LRRC8E: variants seen among roughly 807,000 people sequenced by gnomAD.
LRRC8E encodes volume-regulated anion channel subunit LRRC8E.
In LRRC8E, 6 loss-of-function variants were observed where a neutral mutation model predicts 6.1. The observed-to-expected ratio is 0.98, with a 90% CI of 0.54 to 1.93. The LOEUF (loss-of-function observed/expected upper bound fraction) is 1.93. LRRC8E is among the 30% of genes most tolerant of loss of function. LRRC8E has a pLI of 0.01. For synonymous variants in LRRC8E, 485 were observed against 472.8 expected (o/e 1.03, Z -0.33); for missense variants, 1,028 against 1,031.4 (o/e 1.00, Z 0.04).
At chr19:7,898,639 C>T (rs778785447) in intron 2 of LRRC8E, 22 bp from the exon 3 acceptor site, 2 of 1,576,062 alleles carry the variant, frequency 1.3e-6, no homozygotes, top group Non-Finnish European at 1.7e-6. Flanking sequence ...GATTACAGCC[C>T]TCATTCTCTT....
chr19:7,895,513 T>C lies in LRRC8E; in HGVS notation c.-5-86T>C, dbSNP rs1468380915. ...GGGCAGGGAGGGTCACAGGCCTGCCTGTGTCCGGCTCCTCGGAGGACCCCC... is the reference window on the plus strand; with the variant it reads ...GGGCAGGGAGGGTCACAGGCCTGCCCGTGTCCGGCTCCTCGGAGGACCCCC... On this transcript the variant is annotated intron_variant, in intron 1 of 2. Transcript: ENST00000306708. The surrounding 1 kb of genome is among the most constrained non-coding windows in gnomAD (Gnocchi z 4.7). 4 of 1,528,638 alleles carry C rather than the reference T, an allele frequency of 2.6e-6. No individual in the cohort carries two copies. The highest frequency in any genetic ancestry group is 2.7e-6 in the Non-Finnish European group (3 of 1,116,346). The allele number at this position is 1,528,638 out of a possible 1,614,324, so 94.7% of individuals were successfully genotyped here. A position where few individuals can be genotyped will look rare whatever the true frequency, so the allele number is the denominator to read the frequency against.
Position 7,899,633 on chromosome 19 carries a change from G to A in LRRC8E, c.1111G>A (p.Asp371Asn), listed in dbSNP as rs778339202. ...CTTCGCCTTCATGCTGCACCTCATCGATCAGTACGACTCCCTCTACTCCAA... is the reference window on the plus strand; with the variant it reads ...CTTCGCCTTCATGCTGCACCTCATCAATCAGTACGACTCCCTCTACTCCAA... ...NDFAFMLHLI[D>N]QYDSLYSKRF... is the part of the protein sequence containing the mutation. Residue 371 changes from aspartate to asparagine, a missense_variant, in exon 3 of 3, where the codon GAT becomes AAT. Coordinates refer to ENST00000306708, the MANE Select transcript of LRRC8E (RefSeq NM_025061.6). The A allele has an allele frequency of 3.0e-5, 48 of 1,613,674 alleles. No individual in the cohort carries two copies. The highest frequency in any genetic ancestry group is 4.0e-5 in the Non-Finnish European group (47 of 1,180,014).
chr19:7,889,860 C>G lies in LRRC8E; in HGVS notation c.-6+1260C>G, dbSNP rs183118976. ...CACCTCCCAGGTTCAAGCGATTCTC[C>G]TGCCTCAGCCTCCTGAGTAGCTGGG... On this transcript the variant is annotated intron_variant, in intron 1 of 2. Transcript: ENST00000306708. 2.8e-3 allele frequency among the ~76,000 whole-genome samples: 424 copies of G among 151,850 alleles called. 6 individuals carry two copies. The highest frequency in any genetic ancestry group is 5.7e-3 in the East Asian group (29 of 5,064).
At chr19:7,893,296 G>A (rs1233619234) in intron 1 of LRRC8E, among the ~76,000 whole-genome samples, 3 of 151,916 alleles carry the variant, frequency 2.0e-5, no homozygotes, top group East Asian at 1.9e-4. Flanking sequence ...GTGAGCCACC[G>A]CACCTGGCTA....
rs190239641 is a variant in LRRC8E, at chr19:7,900,687, G to C, written c.2165G>C (p.Arg722Pro). 4 of 1,613,454 alleles carry C rather than the reference G, an allele frequency of 2.5e-6. No individual in the cohort carries two copies. Among genetic ancestry groups the C allele is most frequent in the Non-Finnish European group, 3.4e-6 (4 of 1,180,030 alleles). The change falls in exon 3 of 3, where the codon CGC (arginine) becomes CCC (proline). Residue 722 changes from arginine (R) to proline (P), a missense_variant. Arg to Pro is a moderately radical substitution (Grantham distance 103, BLOSUM62 -2). Transcript: ENST00000306708. The surrounding 1 kb of genome is among the most constrained non-coding windows in gnomAD (Gnocchi z 5.0). ...CTGCCCGAAGAGCTCTTCTTCTGCC[G>C]CAAGCTGCGGACGTTGCTTCTGGGC... ...EALPEELFFC[R>P]KLRTLLLGDN...
intron 2 of LRRC8E, among the ~76,000 whole-genome samples, chr19:7,898,332 TC>T (rs1475742652): frequency 1.3e-5 from 2 of 152,022 alleles, no homozygotes; most frequent in Admixed American, 1.3e-4. Flanking sequence ...GCCTGCTTTT[TC>T]CCCATCCCCC....
At position 7,901,714 on chromosome 19, in the gene LRRC8E, CA is replaced by C. The variant is rs5826989; in HGVS notation, c.*815del. Reference sequence around the variant, plus strand: ...TAACATAGCGAGACCCCACCTCTGCCAAAAAAAAAAAAAATAGGGTATCCAA... The same window carrying C: ...TAACATAGCGAGACCCCACCTCTGCCAAAAAAAAAAAAATAGGGTATCCAA... On this transcript the variant is annotated 3_prime_UTR_variant, in exon 3 of 3. Transcript: ENST00000306708. 31,558 of 140,802 alleles carry C rather than the reference CA, an allele frequency of 0.22. 3,387 individuals carry two copies. The highest frequency in any genetic ancestry group is 0.26 in the Non-Finnish European group (16,998 of 65,602). 8.7% of individuals were successfully genotyped at this position (140,802 alleles called of 1,614,324 possible).
chr19:7,897,713 G>T (rs913514179), intron 2 of LRRC8E, among the ~76,000 whole-genome samples: 1 of 150,922 alleles, frequency 6.6e-6, no homozygotes, highest in Non-Finnish European at 1.5e-5. Flanking sequence ...GTCTGTCTCT[G>T]TGTCTATGTT....
At chr19:7,897,301 C>G (rs750846136) in intron 2 of LRRC8E, among the ~76,000 whole-genome samples, 1 of 151,922 alleles carries the variant, frequency 6.6e-6, no homozygotes, top group Non-Finnish European at 1.5e-5. Flanking sequence ...TCCCAAGTAG[C>G]TGGGATTACA....
chr19:7,901,904 G>A lies in LRRC8E; in HGVS notation c.*991G>A, dbSNP rs1982044999. On this transcript the variant is annotated 3_prime_UTR_variant, in exon 3 of 3. Transcript: ENST00000306708. ...GCTATTCAAGGACTTCCTAAGGTGG[G>A]TGGACTGCAGGGTTAGGACACCTGC... The A allele has an allele frequency of 6.6e-6, 1 of 152,154 alleles. No individual in the cohort carries two copies. The highest frequency in any genetic ancestry group is 2.4e-5 in the African/African-American group (1 of 41,428). The allele number at this position is 152,154 out of a possible 1,614,324, so 9.4% of individuals were successfully genotyped here.
rs112804258 is a variant in LRRC8E at position 7,899,723 on chromosome 19, G to A, written c.1201G>A (p.Glu401Lys). ...SRLKQLNLNH[E>K]WTPEKLRQKL... ...TCTAAAGCAGCTCAATCTCAACCAC[G>A]AGTGGACGCCCGAGAAGCTTCGACA... The change falls in exon 3 of 3, where the codon GAG becomes AAG. Residue 401 changes from glutamate (E) to lysine (K), a missense_variant. Transcript: ENST00000306708. The A allele has an allele frequency of 6.5e-4, 1,051 of 1,613,052 alleles. 3 individuals carry two copies. The African/African-American group carries it at 9.8e-3, about 15-fold the overall frequency.
intron 2 of LRRC8E, among the ~76,000 whole-genome samples, chr19:7,896,649 A>C (rs1233097112): frequency 1.3e-5 from 2 of 152,032 alleles, no homozygotes; most frequent in African/African-American, 4.8e-5. Flanking sequence ...GTTGGAGTGC[A>C]GTGGCATGAT....
chr19:7,897,767 G>T (rs1286137093), intron 2 of LRRC8E, among the ~76,000 whole-genome samples: 2 of 151,850 alleles, frequency 1.3e-5, no homozygotes, highest in African/African-American at 4.8e-5. Context: ...CACCCTACTG[G>T]CTTTGTCTTG....
rs757618241 is a variant in LRRC8E at position 7,899,770 on chromosome 19, G to C, written c.1248G>C (p.Ala416=). ...GACAGAAGCTGCAGCGCAATGCCGC[G>C]GGCCGGCTGGAGCTGGCCCTCTGCA... ...KLRQKLQRNA[A]GRLELALCML... Residue 416 remains alanine (A), a synonymous_variant, in exon 3 of 3, where the codon GCG becomes GCC. Coordinates refer to ENST00000306708, the MANE Select transcript of LRRC8E (RefSeq NM_025061.6). 54 of 1,610,488 alleles carry C rather than the reference G, an allele frequency of 3.4e-5. No individual in the cohort carries two copies. The highest frequency in any genetic ancestry group is 4.3e-5 in the Non-Finnish European group (51 of 1,180,008).
At chr19:7,889,308 G>T in intron 1 of LRRC8E, among the ~76,000 whole-genome samples, 1 of 151,924 alleles carries the variant, frequency 6.6e-6, no homozygotes, top group Non-Finnish European at 1.5e-5. Flanking sequence ...AAAAATTAGT[G>T]GCGTGTCCCT....
intron 1 of LRRC8E, among the ~76,000 whole-genome samples, chr19:7,892,196 C>T (rs753212081): frequency 2.0e-5 from 3 of 152,138 alleles, no homozygotes; most frequent in Non-Finnish European, 4.4e-5. Flanking sequence ...CCTCAGCCTC[C>T]CAAGTAGCTG....
intron 1 of LRRC8E, among the ~76,000 whole-genome samples, chr19:7,891,543 GTGTT>G (rs960810807): frequency 2.7e-4 from 34 of 128,260 alleles, no homozygotes; most frequent in African/African-American, 5.5e-4. Flanking sequence ...GTGTGTGTGT[GTGTT>G]TGTGTGTGTG....
In LRRC8E at chr19:7,888,583, A is replaced by T. The variant is rs1981138111; in HGVS notation, c.-23A>T. 1 of 152,228 alleles carries T rather than the reference A, an allele frequency of 6.6e-6. No individual in the cohort carries two copies. The highest frequency in any genetic ancestry group is 2.4e-5 in the African/African-American group (1 of 41,454). The allele number at this position is 152,228 out of a possible 1,614,324, so 9.4% of individuals were successfully genotyped here. A position where few individuals can be genotyped will look rare whatever the true frequency, so the allele number is the denominator to read the frequency against. On this transcript the variant is annotated 5_prime_UTR_variant, in exon 1 of 3. Coordinates refer to ENST00000306708, the MANE Select transcript of LRRC8E (RefSeq NM_025061.6). ...TCCCAGAGACCCAGGAGTTGGGCCC[A>T]GCGTCCCTCCCGGAACGGTGAGTAG... is the stretch of plus-strand genomic sequence containing the variant.
rs774461112 is a variant in LRRC8E, at chr19:7,899,818, C to G, written c.1296C>G (p.Thr432=). Reference sequence around the variant, plus strand: ...GCATGCTGCCGGGTCTGCCCGACACCGTCTTTGAGCTCAGTGAGGTGGAGT... The same window carrying G: ...GCATGCTGCCGGGTCTGCCCGACACGGTCTTTGAGCTCAGTGAGGTGGAGT... The part of the protein sequence containing the change: ...ALCMLPGLPD[T]VFELSEVESL... Residue 432 remains threonine (T), a synonymous_variant, in exon 3 of 3, where the codon ACC becomes ACG. Transcript: ENST00000306708. 11 of 1,607,104 alleles carry G rather than the reference C, an allele frequency of 6.8e-6. No individual in the cohort carries two copies. The highest frequency in any genetic ancestry group is 8.5e-6 in the Non-Finnish European group (10 of 1,179,934).
Sources: gnomAD v4.1 joint callset for allele counts (sites outside exome capture counted in the v4.1 genomes callset) on GRCh38, gnomAD v4.1.1 for gene constraint, Gnocchi (gnomAD v3.1) non-coding constraint, MANE v1.5 for transcripts, NCBI Gene and HGNC (gene_info 2026-07-23, HGNC 2026-07-21) for gene names.